RUNX2: variants seen among roughly 807,000 people sequenced by gnomAD.
The protein encoded by RUNX2 is runt-related transcription factor 2.
RUNX2 carries 10 observed loss-of-function variants against 51.7 expected under a neutral mutation model. That is an observed-to-expected ratio of 0.19 (90% CI 0.12 to 0.33). The LOEUF (loss-of-function observed/expected upper bound fraction) is 0.33, where lower values mean the gene tolerates loss of function less well. RUNX2 is among the 10% of genes least tolerant of loss of function. The pLI, the probability that RUNX2 is intolerant of heterozygous loss-of-function variation, is 1.00. For synonymous variants in RUNX2, 276 were observed against 273.6 expected, an observed-to-expected ratio of 1.01 and a Z score of -0.09; for missense variants, 562 against 691.3, an observed-to-expected ratio of 0.81 and a Z score of 2.10.
At position 45,519,790 on chromosome 6, in the gene RUNX2, A is replaced by ATATG. The variant is rs1554398519; in HGVS notation, c.1021+7384_1021+7385insATGT. 3.0e-4 allele frequency among the ~76,000 whole-genome samples: 37 copies of ATATG among 124,124 alleles called. No individual in the cohort carries two copies. The South Asian group carries it at 3.7e-3, about 13-fold the overall frequency. The allele number at this position is 124,124 out of a possible 152,430, so 81.4% of individuals were successfully genotyped here. A position where few individuals can be genotyped will look rare whatever the true frequency, so the allele number is the denominator to read the frequency against. On this transcript the variant is annotated intron_variant, in intron 7 of 8. Coordinates refer to ENST00000647337, the MANE Select transcript of RUNX2 (RefSeq NM_001024630.4). ...AGGATGCTATTATATATATATATATATGTGTGTGTGTGTGTGTGTGTGTGT... is the reference window on the plus strand; with the variant it reads ...AGGATGCTATTATATATATATATATATATGTGTGTGTGTGTGTGTGTGTGTGTGT...
intron 7 of RUNX2, among the ~76,000 whole-genome samples, chr6:45,532,913 T>C (rs112010064): frequency 6.6e-6 from 1 of 151,310 alleles, no homozygotes; most frequent in Admixed American, 6.6e-5. Flanking sequence ...CTCTTTTTTT[T>C]TTTTTTTTTT....
At chr6:45,439,639 T>A (rs546505272) in intron 5 of RUNX2, among the ~76,000 whole-genome samples, 2 of 152,222 alleles carry the variant, frequency 1.3e-5, no homozygotes, top group East Asian at 3.9e-4. Flanking sequence ...TCTCAGTTCT[T>A]GGAAAAACCA....
intron 5 of RUNX2, among the ~76,000 whole-genome samples, chr6:45,467,192 T>A (rs918187151): frequency 9.9e-5 from 15 of 152,242 alleles, no homozygotes; most frequent in African/African-American, 3.4e-4. Flanking sequence ...TCTGCCTCCA[T>A]CCTTGGTCTC....
At chr6:45,491,545 G>A (rs775615032) in intron 5 of RUNX2, among the ~76,000 whole-genome samples, 3 of 151,564 alleles carry the variant, frequency 2.0e-5, no homozygotes, top group Non-Finnish European at 4.4e-5. Context: ...TAACATGCAC[G>A]GACTCTCTGA....
intron 5 of RUNX2, among the ~76,000 whole-genome samples, chr6:45,474,562 G>A (rs1026391281): frequency 2.0e-5 from 3 of 152,004 alleles, no homozygotes; most frequent in Non-Finnish European, 4.4e-5. Context: ...ATAAGCCTGG[G>A]ATCTTATCAG....
chr6:45,375,549 ATTTTT>A (rs898959790), intron 2 of RUNX2, among the ~76,000 whole-genome samples: 2 of 147,940 alleles, frequency 1.4e-5, no homozygotes. Flanking sequence ...CAAGAGCATC[ATTTTT>A]TTTTTTAAAG....
intron 2 of RUNX2, among the ~76,000 whole-genome samples, chr6:45,407,477 T>G (rs1797862179): frequency 6.6e-6 from 1 of 152,142 alleles, no homozygotes; most frequent in Non-Finnish European, 1.5e-5. Context: ...ACTCTTATTC[T>G]TCTTCCACAA....
chr6:45,496,960 G>A (rs1361297687), intron 6 of RUNX2, among the ~76,000 whole-genome samples: 1 of 152,146 alleles, frequency 6.6e-6, no homozygotes, highest in Non-Finnish European at 1.5e-5. Flanking sequence ...GGACTTCAGA[G>A]TTTTGACCTG....
chr6:45,368,422 G>A lies in RUNX2; in HGVS notation c.58+39638G>A, dbSNP rs150318952. 2.6e-3 allele frequency among the ~76,000 whole-genome samples: 389 copies of A among 152,140 alleles called. 3 individuals carry two copies. Among genetic ancestry groups the A allele is most frequent in the African/African-American group, 8.6e-3 (355 of 41,510 alleles). Reference sequence around the variant, plus strand: ...ATTTAAGGATGCACGCCTTTCCTCAGAAAATATTGCTATCAAAAAAAAAGT... The same window carrying A: ...ATTTAAGGATGCACGCCTTTCCTCAAAAAATATTGCTATCAAAAAAAAAGT... On this transcript the variant is annotated intron_variant, in intron 2 of 8. Coordinates refer to ENST00000647337, the MANE Select transcript of RUNX2 (RefSeq NM_001024630.4).
chr6:45,489,304 A>C (rs1017077324), intron 5 of RUNX2, among the ~76,000 whole-genome samples: 1 of 152,126 alleles, frequency 6.6e-6, no homozygotes, highest in Non-Finnish European at 1.5e-5. Context: ...CCTGCTTTAA[A>C]ATTTTTCACA....
chr6:45,365,186 C>T, intron 2 of RUNX2: 1 of 1,482,442 alleles, frequency 6.7e-7, no homozygotes. Context: ...CAATAGCATG[C>T]AGGGACATAC....
chr6:45,328,520 T>A, intron 1 of RUNX2, 60 bp downstream of exon 1: 1 of 1,558,516 alleles, frequency 6.4e-7, no homozygotes, highest in Non-Finnish European at 8.7e-7. Flanking sequence ...TATTTGCTCA[T>A]TCTCTTTTTG....
intron 2 of RUNX2, chr6:45,371,852 A>G: frequency 1.0e-6 from 1 of 983,342 alleles, no homozygotes; most frequent in South Asian, 4.7e-5. Context: ...CTACAGTTTG[A>G]AAATCACTAA....
intron 2 of RUNX2, among the ~76,000 whole-genome samples, chr6:45,384,459 ATT>A (rs1313023379): frequency 6.6e-6 from 1 of 151,416 alleles, no homozygotes; most frequent in African/African-American, 2.4e-5. Flanking sequence ...TAATTTTTGT[ATT>A]TTTTGTAGAG....
chr6:45,506,128 T>G (rs1401089263), intron 6 of RUNX2, among the ~76,000 whole-genome samples: 2 of 152,184 alleles, frequency 1.3e-5, no homozygotes, highest in Non-Finnish European at 2.9e-5. Flanking sequence ...TTCCCTTTAT[T>G]CCTGGTGGTG....
At chr6:45,379,591 G>C (rs1292438267) in intron 2 of RUNX2, among the ~76,000 whole-genome samples, 2 of 152,110 alleles carry the variant, frequency 1.3e-5, no homozygotes, top group Non-Finnish European at 2.9e-5. Context: ...CACAGGCCAG[G>C]CGCGGTGGCT....
intron 2 of RUNX2, among the ~76,000 whole-genome samples, chr6:45,414,421 A>G (rs1193857995): frequency 6.6e-6 from 1 of 152,208 alleles, no homozygotes; most frequent in Admixed American, 6.5e-5. Flanking sequence ...TTCTAAAAAT[A>G]CTTCAAAGAC....
At chr6:45,328,513 T>C (rs1786799238) in intron 1 of RUNX2, 53 bp downstream of exon 1, 2 of 1,549,534 alleles carry the variant, frequency 1.3e-6, no homozygotes, top group Middle Eastern at 1.8e-4. Flanking sequence ...CTTCAAATAT[T>C]TGCTCATTCT....
chr6:45,333,205 T>C (rs747193543), intron 2 of RUNX2, among the ~76,000 whole-genome samples: 23 of 151,770 alleles, frequency 1.5e-4, no homozygotes, highest in Middle Eastern at 3.4e-3. Flanking sequence ...TGAAATTCAC[T>C]GGATATATTT....
Sources: allele counts gnomAD v4.1 joint callset (sites outside exome capture counted in the v4.1 genomes callset), GRCh38; gene constraint gnomAD v4.1.1; transcripts MANE v1.5; gene names NCBI Gene and HGNC (gene_info 2026-07-23, HGNC 2026-07-21).